CA7: variants seen among roughly 807,000 people sequenced by gnomAD.
CA7 encodes the protein carbonic anhydrase 7.
A neutral mutation model predicts 31.4 loss-of-function variants in CA7; 13 were observed. The ratio of observed to expected loss-of-function variants is 0.41; its 90% CI spans 0.27 to 0.66. The LOEUF (loss-of-function observed/expected upper bound fraction) is 0.66. Among genes scored for constraint, CA7 ranks in the 30% least tolerant of loss-of-function variants. The pLI, the probability that CA7 is intolerant of heterozygous loss-of-function variation, is 0.28. For synonymous variants in CA7, 128 were observed against 133.2 expected (o/e 0.96, Z 0.27); for missense variants, 215 against 351.0 (o/e 0.61, Z 3.10).
chr16:66,844,668 C>A (rs534449661), intron 1 of CA7, 141 bp downstream of exon 1: 4 of 701,072 alleles, frequency 5.7e-6, no homozygotes, highest in African/African-American at 1.9e-5. Context: ...CCCATCCCGG[C>A]CCCCGAACTT....
chr16:66,852,633 A>C, intron 5 of CA7, 79 bp from the exon 6 acceptor site: 2 of 945,996 alleles, frequency 2.1e-6, no homozygotes, highest in Non-Finnish European at 3.0e-6. Flanking sequence ...AAAGAAAGAA[A>C]GAGATGGGTG....
At chr16:66,848,234 G>A (rs1960968174) in intron 2 of CA7, among the ~76,000 whole-genome samples, 2 of 152,184 alleles carry the variant, frequency 1.3e-5, no homozygotes, top group South Asian at 2.1e-4. Context: ...AGTTTTTGCT[G>A]CAAAAGAAAG....
chr16:66,850,788 G>GAGAGATATT, intron 3 of CA7, 129 bp downstream of exon 3: 2 of 686,238 alleles, frequency 2.9e-6, no homozygotes, highest in Non-Finnish European at 5.3e-6. Flanking sequence ...GGGCCTTTGG[G>GAGAGATATT]AGAGATATTT....
chr16:66,852,066 TGA>T (rs1961067895), intron 5 of CA7, among the ~76,000 whole-genome samples: 1 of 152,002 alleles, frequency 6.6e-6, no homozygotes, highest in Admixed American at 6.6e-5. Context: ...AGCAAACGGA[TGA>T]GAGGGCCCGG....
chr16:66,845,247 C>G (rs1049115834), intron 1 of CA7: 44 of 984,954 alleles, frequency 4.5e-5, no homozygotes, highest in Non-Finnish European at 5.2e-5. Context: ...GAGAGCCAGA[C>G]GGCTGGAGTG....
intron 1 of CA7, 73 bp downstream of exon 1, chr16:66,844,600 C>G: frequency 7.5e-7 from 1 of 1,329,388 alleles, no homozygotes; most frequent in Non-Finnish European, 1.0e-6. Context: ...ACCCTCTTGC[C>G]CAGCTGGTTT....
chr16:66,844,651 C>G lies in CA7; in HGVS notation c.40+124C>G, dbSNP rs953952935. On this transcript the variant is annotated intron_variant, in intron 1 of 6. Transcript: ENST00000338437. ...TCCCACACTCCAGGCTGGGCGGGACCCCTCTTCCCATCCCGGCCCCCGAAC... is the reference window on the plus strand; with the variant it reads ...TCCCACACTCCAGGCTGGGCGGGACGCCTCTTCCCATCCCGGCCCCCGAAC... The G allele has an allele frequency of 3.8e-6, 3 of 780,160 alleles. No individual in the cohort carries two copies. The African/African-American group carries it at 5.4e-5, about 14-fold the overall frequency. The allele number at this position is 780,160 out of a possible 1,614,324, so 48.3% of individuals were successfully genotyped here.
chr16:66,850,418 G>A (rs1961014972), intron 2 of CA7, 123 bp from the exon 3 acceptor site: 1 of 701,402 alleles, frequency 1.4e-6, no homozygotes, highest in Non-Finnish European at 2.6e-6. Flanking sequence ...TCCAGCCTGG[G>A]CAACAGAGCG....
In CA7 at chr16:66,850,639, G is replaced by A. The variant is rs1293380175; in HGVS notation, c.337G>A (p.Gly113Ser). Residue 113 changes from glycine (G) to serine (S), a missense_variant, in exon 3 of 7, where the codon GGC becomes AGC. By Grantham distance (56) the Gly-to-Ser change is moderately conservative. Coordinates refer to ENST00000338437, the MANE Select transcript of CA7 (RefSeq NM_005182.3). The stretch of plus-strand genomic sequence containing the variant: ...TGTGGGTTCTGAGCACACGGTGGAC[G>A]GCAAGTCCTTCCCCAGCGAGGTACG... ...HDVGSEHTVD[G>S]KSFPSELHLV... 6.8e-6 allele frequency: 11 copies of A among 1,611,790 alleles called. No homozygotes were observed. Among genetic ancestry groups the A allele is most frequent in the Admixed American group, 3.3e-5 (2 of 60,002 alleles).
At chr16:66,849,947 C>A (rs774549633) in intron 2 of CA7, among the ~76,000 whole-genome samples, 117 of 152,146 alleles carry the variant, frequency 7.7e-4, no homozygotes, top group Non-Finnish European at 5.3e-4. Flanking sequence ...GGTGAAACTC[C>A]CTTTCTACTA....
rs999769422 is a variant in CA7, at chr16:66,853,612, C to T, written c.*114C>T. ...CTGGGGGGTGCTGGGGACCCTCCTT[C>T]AGCCAGTTTGCTCCTTGGTCACCCT... On this transcript the variant is annotated 3_prime_UTR_variant, in exon 7 of 7. Coordinates refer to ENST00000338437, the MANE Select transcript of CA7 (RefSeq NM_005182.3). The surrounding 1 kb of genome is among the most constrained non-coding windows in gnomAD (Gnocchi z 4.5). 14 of 1,417,028 alleles carry T rather than the reference C, an allele frequency of 9.9e-6. No homozygotes were observed. The highest frequency in any genetic ancestry group is 1.3e-5 in the Non-Finnish European group (14 of 1,045,770). 87.8% of individuals were successfully genotyped at this position (1,417,028 alleles called of 1,614,324 possible).
chr16:66,852,547 GAAGA>G (rs149116525), intron 5 of CA7, among the ~76,000 whole-genome samples, 161 bp from the exon 6 acceptor site: 33,361 of 134,916 alleles, frequency 0.25, 8,380 homozygotes, highest in African/African-American at 0.65. Flanking sequence ...AGGAAGGAAG[GAAGA>G]AAGAAAGAAA....
intron 2 of CA7, among the ~76,000 whole-genome samples, chr16:66,848,044 T>C (rs1035348851): frequency 6.6e-6 from 1 of 152,172 alleles, no homozygotes; most frequent in African/African-American, 2.4e-5. Flanking sequence ...AACTGGTTCC[T>C]TCCTCCTCCT....
At chr16:66,846,781 A>G (rs1960937025) in intron 1 of CA7, among the ~76,000 whole-genome samples, 1 of 152,134 alleles carries the variant, frequency 6.6e-6, no homozygotes, top group South Asian at 2.1e-4. Context: ...GTTCCCTTCC[A>G]TACAGTACCT....
intron 1 of CA7, chr16:66,845,308 G>A: frequency 1.2e-6 from 1 of 834,422 alleles, no homozygotes. Flanking sequence ...CCAAGCAGGG[G>A]TGGGGGTGTG....
chr16:66,844,563 AC>A (rs1460343244), intron 1 of CA7, 36 bp downstream of exon 1: 8 of 1,520,746 alleles, frequency 5.3e-6, no homozygotes, highest in Non-Finnish European at 7.1e-6. Context: ...TCTGGCTCGG[AC>A]CCCCGACCCA....
intron 2 of CA7, among the ~76,000 whole-genome samples, chr16:66,847,816 T>G (rs531683911): frequency 5.9e-5 from 9 of 152,216 alleles, no homozygotes; most frequent in Non-Finnish European, 1.2e-4. Context: ...CCAACCATCT[T>G]GGGCCAGTAA....
rs757214019 is a variant in CA7 at position 66,851,655 on chromosome 16, C to T, written c.454-9C>T. The T allele has an allele frequency of 6.2e-7, 1 of 1,614,130 alleles. No individual in the cohort carries two copies. On this transcript the variant is annotated splice_polypyrimidine_tract_variant and intron_variant, in intron 4 of 6. Transcript: ENST00000338437. ...GGGCTCTGGGCTCACACTGCCCTCT[C>T]CCTGACAGACAGGAGACGAGCACCC... is the stretch of plus-strand genomic sequence containing the variant.
At chr16:66,847,393 G>C (rs1960951861) in intron 2 of CA7, among the ~76,000 whole-genome samples, 166 bp downstream of exon 2, 2 of 152,202 alleles carry the variant, frequency 1.3e-5, no homozygotes. Context: ...TATAAAGTGA[G>C]AGCAATAAGA....
Sources: gnomAD v4.1 joint callset for allele counts (sites outside exome capture counted in the v4.1 genomes callset) on GRCh38, gnomAD v4.1.1 for gene constraint, Gnocchi (gnomAD v3.1) non-coding constraint, MANE v1.5 for transcripts, NCBI Gene and HGNC (gene_info 2026-07-23, HGNC 2026-07-21) for gene names.